The following ZFHX3 variants were observed in gnomAD, a reference collection of about 807,000 sequenced individuals.
ZFHX3 encodes zinc finger homeobox protein 3.
In ZFHX3, 42 loss-of-function variants were observed where a neutral mutation model predicts 279.1. The observed-to-expected ratio is 0.15, with a 90% CI of 0.12 to 0.19. The LOEUF is 0.19. ZFHX3 is among the 10% of genes least tolerant of loss of function. ZFHX3 has a pLI of 1.00. For missense variants in ZFHX3, 4,981 were observed against 4,754.0 expected, an observed-to-expected ratio of 1.05 and a Z score of -1.40; for synonymous variants, 2,293 against 1,957.8, an observed-to-expected ratio of 1.17 and a Z score of -4.52.
chr16:73,574,934 C>A (rs935680426), intron 2 of ZFHX3, among the ~76,000 whole-genome samples: 2 of 152,198 alleles, frequency 1.3e-5, no homozygotes, highest in Admixed American at 6.5e-5. Context: ...TCCCCACCGA[C>A]GACGTTCTAC....
chr16:73,306,892 G>A (rs1227722834), intron 4 of ZFHX3, among the ~76,000 whole-genome samples: 1 of 152,178 alleles, frequency 6.6e-6, no homozygotes, highest in Non-Finnish European at 1.5e-5. Flanking sequence ...TCCCAGCTTA[G>A]ACATTACTGA....
intron 4 of ZFHX3, among the ~76,000 whole-genome samples, chr16:72,872,480 CAG>C (rs1019806013): frequency 1.6e-4 from 24 of 152,120 alleles, no homozygotes; most frequent in African/African-American, 4.6e-4. Flanking sequence ...TTTTTTGAGA[CAG>C]AGTCTCACTG....
rs536845151 is a variant in ZFHX3, at chr16:73,115,193, C to T, written c.-897+15775G>A. On this transcript the variant is annotated intron_variant, in intron 7 of 17. Transcript: ENST00000641206. ...CAGACGCTGCTGAGTTGGTGCCTTG[C>T]GGGAGACCATTAAGTCCGACTCCAG... is the stretch of plus-strand genomic sequence containing the variant. Among the ~76,000 whole-genome samples the T allele has an allele frequency of 3.0e-4, 45 of 151,996 alleles. 1 individual carries two copies. The South Asian group carries it at 7.1e-3, about 24-fold the overall frequency.
intron 5 of ZFHX3, among the ~76,000 whole-genome samples, chr16:73,250,249 G>C (rs2013441597): frequency 6.6e-6 from 1 of 152,172 alleles, no homozygotes; most frequent in South Asian, 2.1e-4. Context: ...GATATACCAA[G>C]CATGGTGCTT....
chr16:72,920,771 C>T (rs990294075), intron 3 of ZFHX3, among the ~76,000 whole-genome samples: 13 of 151,164 alleles, frequency 8.6e-5, no homozygotes, highest in South Asian at 4.2e-4. Flanking sequence ...ACTTTTTTAG[C>T]TTTTAAAGCA....
chr16:73,720,604 G>A (rs1459901624), intron 1 of ZFHX3, among the ~76,000 whole-genome samples: 1 of 152,096 alleles, frequency 6.6e-6, no homozygotes, highest in Non-Finnish European at 1.5e-5. Flanking sequence ...CTATAATTCT[G>A]TGATGTCCAT....
chr16:73,123,764 G>A (rs1194868293), intron 7 of ZFHX3, among the ~76,000 whole-genome samples: 1 of 152,146 alleles, frequency 6.6e-6, no homozygotes, highest in Non-Finnish European at 1.5e-5. Context: ...TCTTTGGGAA[G>A]TGATTAGGTT....
intron 2 of ZFHX3, among the ~76,000 whole-genome samples, chr16:73,596,712 T>C (rs549891830): frequency 6.6e-5 from 10 of 152,316 alleles, no homozygotes; most frequent in Admixed American, 2.0e-4. Context: ...CGTTCAATCA[T>C]GACACTCAAC....
At chr16:73,540,871 G>A (rs771652878) in intron 2 of ZFHX3, among the ~76,000 whole-genome samples, 35 of 152,130 alleles carry the variant, frequency 2.3e-4, no homozygotes, top group Non-Finnish European at 3.2e-4. Flanking sequence ...GCTGAGCCTA[G>A]GCCCACAGAG....
chr16:73,636,264 T>C (rs1462116186), intron 2 of ZFHX3, among the ~76,000 whole-genome samples: 1 of 152,196 alleles, frequency 6.6e-6, no homozygotes, highest in East Asian at 1.9e-4. Flanking sequence ...GAAGAATACA[T>C]GCTCAACATA....
intron 2 of ZFHX3, among the ~76,000 whole-genome samples, chr16:73,633,972 C>T (rs1000083570): frequency 2.0e-5 from 3 of 151,168 alleles, no homozygotes; most frequent in Admixed American, 6.6e-5. Flanking sequence ...ATTTAAAATA[C>T]CCTAAATGTA....
intron 5 of ZFHX3, among the ~76,000 whole-genome samples, chr16:73,169,760 G>A (rs1014870656): frequency 1.4e-4 from 21 of 152,218 alleles, no homozygotes; most frequent in Admixed American, 1.4e-3. Flanking sequence ...CAGTATGGTG[G>A]AGACGCATGG....
At position 72,797,803 on chromosome 16, in the gene ZFHX3, C is replaced by T; in HGVS notation, c.4879G>A (p.Ala1627Thr). The change falls in exon 9 of 10, where the codon GCC becomes ACC. Residue 1627 changes from alanine (A) to threonine (T), a missense_variant. By Grantham distance (58) the Ala-to-Thr change is moderately conservative (BLOSUM62 0). This residue lies in a region of ZFHX3 where 1,751 missense variants were observed against 1,770.0 expected (regional missense o/e 0.99). Transcript: ENST00000268489. ...CTGCCACTTGCAGCCTCCAGCTTGGCTGCCCGGGCCTTGGTTTGATGTAAC... is the reference window on the plus strand; with the variant it reads ...CTGCCACTTGCAGCCTCCAGCTTGGTTGCCCGGGCCTTGGTTTGATGTAAC... Reference protein sequence around the residue: ...SVLHQTKARAAKLEAASGSSN... With the variant: ...SVLHQTKARATKLEAASGSSN... 1 of 1,614,142 alleles carries T rather than the reference C, an allele frequency of 6.2e-7. No homozygotes were observed. The highest frequency in any genetic ancestry group is 1.3e-5 in the African/African-American group (1 of 75,036).
rs531000226 is a variant in ZFHX3, at chr16:73,157,386, C to T, written c.-1103-13555G>A. On this transcript the variant is annotated intron_variant, in intron 5 of 17. Coordinates refer to the ZFHX3 transcript ENST00000641206. ...TGGTCTCTGTGGCCCAATCAGACAT[C>T]GGGCTTGCCACAGGTTAACTTCATT... 4.3e-4 allele frequency among the ~76,000 whole-genome samples: 62 copies of T among 144,528 alleles called. No individual in the cohort carries two copies. In the South Asian group the frequency reaches 0.013, roughly 31 times the overall value. The allele number at this position is 144,528 out of a possible 152,430, so 94.8% of individuals were successfully genotyped here. A position where few individuals can be genotyped will look rare whatever the true frequency, so the allele number is the denominator to read the frequency against.
At chr16:73,483,330 TGA>T (rs1233773771) in intron 2 of ZFHX3, 4 of 410,168 alleles carry the variant, frequency 9.8e-6, no homozygotes, top group Non-Finnish European at 1.4e-5. Flanking sequence ...AGCGAGCGAG[TGA>T]GAGACAGAGA....
intron 2 of ZFHX3, chr16:73,543,911 A>ACAGAGGGAGAGAGG (rs2020064661): frequency 6.8e-6 from 1 of 146,642 alleles, no homozygotes; most frequent in Admixed American, 6.8e-5. Context: ...AGAGAGAGAG[A>ACAGAGGGAGAGAGG]CAGAGGGAGA....
At chr16:73,594,291 C>T (rs2052027386) in intron 2 of ZFHX3, among the ~76,000 whole-genome samples, 1 of 151,770 alleles carries the variant, frequency 6.6e-6, no homozygotes, top group South Asian at 2.1e-4. Flanking sequence ...TAAATCTAAA[C>T]ATTTATTGGA....
At chr16:73,389,068 G>T (rs1441878656) in intron 3 of ZFHX3, 4 of 152,130 alleles carry the variant, frequency 2.6e-5, no homozygotes, top group South Asian at 4.1e-4. Flanking sequence ...GCAAAGACGC[G>T]CATATGTATA....
At chr16:73,694,445 G>A (rs931316759) in intron 1 of ZFHX3, among the ~76,000 whole-genome samples, 2 of 152,134 alleles carry the variant, frequency 1.3e-5, no homozygotes, top group Non-Finnish European at 2.9e-5. Flanking sequence ...CCGAGCTCAA[G>A]CAATTCTTCT....
Sources: gnomAD v4.1 joint callset for allele counts (sites outside exome capture counted in the v4.1 genomes callset) on GRCh38, gnomAD v4.1.1 for gene constraint, gnomAD v4.1.1 regional missense constraint, MANE v1.5 for transcripts, NCBI Gene and HGNC (gene_info 2026-07-23, HGNC 2026-07-21) for gene names.